Variants in SAMHD1 observed in about 807,000 individuals in gnomAD.
SAMHD1 encodes the protein deoxynucleoside triphosphate triphosphohydrolase SAMHD1.
Under a neutral mutation model 79.6 loss-of-function variants are expected in SAMHD1, and 54 were observed. The ratio of observed to expected loss-of-function variants is 0.68; its 90% CI spans 0.55 to 0.85. The LOEUF (loss-of-function observed/expected upper bound fraction) is 0.85, where lower values mean the gene tolerates loss of function less well. Ranked by LOEUF, SAMHD1 falls within the 40% of genes least tolerant of loss-of-function variation. The probability of loss-of-function intolerance (pLI) is 0.00; values close to 1 mark genes in which losing one functional copy is unlikely to be tolerated. For synonymous variants in SAMHD1, 260 were observed against 264.1 expected, an observed-to-expected ratio of 0.98 and a Z score of 0.15; for missense variants, 663 against 782.7, an observed-to-expected ratio of 0.85 and a Z score of 1.82.
chr20:36,902,230 G>A (rs1236911278), intron 13 of SAMHD1, among the ~76,000 whole-genome samples: 1 of 152,190 alleles, frequency 6.6e-6, no homozygotes, highest in African/African-American at 2.4e-5. Context: ...TGCCCAGGCT[G>A]GAGAGCAGTG....
chr20:36,922,237 T>C (rs1019862249), intron 6 of SAMHD1, among the ~76,000 whole-genome samples: 2 of 152,190 alleles, frequency 1.3e-5, no homozygotes, highest in African/African-American at 4.8e-5. Flanking sequence ...TTTTTCTATA[T>C]GGACAATTGG....
At chr20:36,912,315 A>T in intron 10 of SAMHD1, 146 bp downstream of exon 10, 1 of 649,000 alleles carries the variant, frequency 1.5e-6, no homozygotes, top group Non-Finnish European at 2.8e-6. Flanking sequence ...TTTATGCTAG[A>T]TTTTTTTTCT....
chr20:36,917,184 C>G, intron 7 of SAMHD1, 135 bp from the exon 8 acceptor site: 1 of 673,228 alleles, frequency 1.5e-6, no homozygotes, highest in Non-Finnish European at 2.7e-6. Flanking sequence ...CTAGAAGGTT[C>G]TATTCTTTCT....
Position 36,892,777 on chromosome 20 carries a change from T to C in SAMHD1, c.*155A>G. On this transcript the variant is annotated 3_prime_UTR_variant, in exon 16 of 16. Coordinates refer to ENST00000646673, the MANE Select transcript of SAMHD1 (RefSeq NM_015474.4). Reference sequence around the variant, plus strand: ...GTAAGATTTGCCTAATACCATCTTATTTCTTTGATTAAAAGTTACTTAGCT... The same window carrying C: ...GTAAGATTTGCCTAATACCATCTTACTTCTTTGATTAAAAGTTACTTAGCT... 1.1e-6 allele frequency: 1 copy of C among 940,644 alleles called. No homozygotes were observed. Among genetic ancestry groups the C allele is most frequent in the Non-Finnish European group, 1.7e-6 (1 of 577,082 alleles). 58.3% of individuals were successfully genotyped at this position (940,644 alleles called of 1,614,324 possible).
chr20:36,913,987 CAA>C (rs1452184101), intron 9 of SAMHD1, among the ~76,000 whole-genome samples: 1 of 151,952 alleles, frequency 6.6e-6, no homozygotes, highest in East Asian at 1.9e-4. Flanking sequence ...CTCGGTAGCC[CAA>C]GAGATTTGCC....
intron 11 of SAMHD1, among the ~76,000 whole-genome samples, chr20:36,909,258 G>A (rs1267023140): frequency 3.9e-5 from 6 of 152,128 alleles, no homozygotes; most frequent in East Asian, 3.9e-4. Context: ...CACCGTGCCC[G>A]GCCCAATTTT....
intron 6 of SAMHD1, among the ~76,000 whole-genome samples, chr20:36,921,407 A>C (rs1324238757): frequency 6.6e-6 from 1 of 151,632 alleles, no homozygotes; most frequent in Non-Finnish European, 1.5e-5. Context: ...AAAAAAAAAA[A>C]AAAAACGAAT....
intron 15 of SAMHD1, 83 bp from the exon 16 acceptor site, chr20:36,893,149 C>T: frequency 2.0e-6 from 3 of 1,527,546 alleles, no homozygotes; most frequent in South Asian, 1.1e-5. Context: ...CTCAAGTGCG[C>T]ACATCCTCAT....
intron 13 of SAMHD1, among the ~76,000 whole-genome samples, chr20:36,901,499 G>C (rs577924245): frequency 2.6e-5 from 4 of 152,144 alleles, no homozygotes; most frequent in Non-Finnish European, 4.4e-5. Flanking sequence ...ACTTCAGGAG[G>C]CTAAGGCAGC....
At chr20:36,940,951 TTCC>T (rs1224837941) in intron 3 of SAMHD1, 85 bp downstream of exon 3, 5 of 971,808 alleles carry the variant, frequency 5.1e-6, no homozygotes, top group Non-Finnish European at 8.1e-6. Flanking sequence ...AGAAGCAGAT[TTCC>T]TCCTATTCTC....
intron 13 of SAMHD1, among the ~76,000 whole-genome samples, chr20:36,903,458 C>G (rs965566685): frequency 1.3e-5 from 2 of 151,508 alleles, no homozygotes; most frequent in African/African-American, 4.9e-5. Context: ...CCAGGATGGT[C>G]TCAATCTCCT....
chr20:36,890,595 G>A lies in SAMHD1; in HGVS notation c.*2337C>T, dbSNP rs1204475371. 6.6e-6 allele frequency: 1 copy of A among 151,984 alleles called. No individual in the cohort carries two copies. The highest frequency in any genetic ancestry group is 1.5e-5 in the Non-Finnish European group (1 of 68,052). The allele number at this position is 151,984 out of a possible 1,614,324, so 9.4% of individuals were successfully genotyped here. ...TTCTCCTGCCTCAGCCTCCCGAGTA[G>A]CTGGGATTACAAGCACACACCACCA... On this transcript the variant is annotated 3_prime_UTR_variant, in exon 16 of 16. Transcript: ENST00000646673.
intron 11 of SAMHD1, among the ~76,000 whole-genome samples, chr20:36,910,730 CAA>C (rs397777434): frequency 1.3e-4 from 15 of 118,092 alleles, no homozygotes; most frequent in Non-Finnish European, 1.3e-4. Context: ...ACTCCATCTC[CAA>C]AAAAAAAAAA....
Position 36,892,895 on chromosome 20 carries a change from C to T in SAMHD1, c.*37G>A, listed in dbSNP as rs368268178. On this transcript the variant is annotated 3_prime_UTR_variant, in exon 16 of 16. Coordinates refer to ENST00000646673, the MANE Select transcript of SAMHD1 (RefSeq NM_015474.4). Reference sequence around the variant, plus strand: ...GATTGAAGCCTCTAAATGAATTGTGCAGGAGAGGGAGTTTGTAAACAACTG... The same window carrying T: ...GATTGAAGCCTCTAAATGAATTGTGTAGGAGAGGGAGTTTGTAAACAACTG... The T allele has an allele frequency of 1.7e-5, 28 of 1,612,204 alleles. No homozygotes were observed. The African/African-American group carries it at 2.3e-4, about 13-fold the overall frequency.
At chr20:36,918,448 ATCTCC>A (rs2063487416) in intron 7 of SAMHD1, among the ~76,000 whole-genome samples, 1 of 151,214 alleles carries the variant, frequency 6.6e-6, no homozygotes, top group Non-Finnish European at 1.5e-5. Flanking sequence ...GTGAGACCAC[ATCTCC>A]AAAAAAAAAA....
chr20:36,924,168 C>T (rs2063522792), intron 6 of SAMHD1, among the ~76,000 whole-genome samples: 1 of 151,548 alleles, frequency 6.6e-6, no homozygotes. Flanking sequence ...GGGAGAATTG[C>T]TTGAGCCTTG....
chr20:36,946,878 CA>C (rs1245267299), intron 1 of SAMHD1, 74 bp from the exon 2 acceptor site: 1 of 1,207,356 alleles, frequency 8.3e-7, no homozygotes, highest in Non-Finnish European at 1.2e-6. Flanking sequence ...GATACACCAA[CA>C]TTTACCCAGA....
At chr20:36,940,284 A>G (rs1363232686) in intron 3 of SAMHD1, 1 of 152,118 alleles carries the variant, frequency 6.6e-6, no homozygotes, top group Admixed American at 6.6e-5. Context: ...AAACAATACT[A>G]TACATTGTTT....
intron 6 of SAMHD1, among the ~76,000 whole-genome samples, chr20:36,924,912 G>A (rs540699627): frequency 4.0e-4 from 60 of 151,890 alleles, no homozygotes; most frequent in African/African-American, 1.0e-3. Flanking sequence ...TAATCCCAGC[G>A]CTTTGGGAGG....
Sources: allele counts gnomAD v4.1 joint callset (sites outside exome capture counted in the v4.1 genomes callset), GRCh38; gene constraint gnomAD v4.1.1; transcripts MANE v1.5; gene names NCBI Gene and HGNC (gene_info 2026-07-23, HGNC 2026-07-21).